The following DTNA variants were observed in gnomAD, a reference collection of about 807,000 sequenced individuals.
The protein encoded by DTNA is dystrophin-related protein 3.
Under a neutral mutation model 100.7 loss-of-function variants are expected in DTNA, and 43 were observed. The observed-to-expected ratio is 0.43, with a 90% CI of 0.33 to 0.55. The LOEUF (loss-of-function observed/expected upper bound fraction) is 0.55, where lower values mean the gene tolerates loss of function less well. Ranked by LOEUF, DTNA falls within the 20% of genes least tolerant of loss-of-function variation. DTNA has a pLI of 0.04. For missense variants in DTNA, 798 were observed against 953.9 expected (o/e 0.84, Z 2.15); for synonymous variants, 349 against 347.9 (o/e 1.00, Z -0.04).
chr18:34,585,560 CAT>C (rs2049044182), intron 1 of DTNA, among the ~76,000 whole-genome samples: 2 of 151,834 alleles, frequency 1.3e-5, no homozygotes, highest in South Asian at 2.1e-4. Flanking sequence ...TGTGTGTGCT[CAT>C]GTGTGTGGTA....
At chr18:34,703,269 A>G (rs1387150886) in intron 1 of DTNA, among the ~76,000 whole-genome samples, 1 of 152,226 alleles carries the variant, frequency 6.6e-6, no homozygotes, top group African/African-American at 2.4e-5. Context: ...TTCGTCCTTG[A>G]TGAATAATAT....
intron 17 of DTNA, among the ~76,000 whole-genome samples, chr18:34,875,023 C>T (rs116950839): frequency 6.6e-6 from 1 of 152,266 alleles, no homozygotes; most frequent in Non-Finnish European, 1.5e-5. Context: ...ATAGTTTTAG[C>T]TTTCAATATT....
intron 1 of DTNA, among the ~76,000 whole-genome samples, chr18:34,544,354 A>C (rs1384961271): frequency 1.3e-5 from 2 of 152,162 alleles, no homozygotes; most frequent in African/African-American, 4.8e-5. Context: ...CTCTTGCTAT[A>C]GCTGAAGCCT....
chr18:34,534,241 T>G (rs1032047083), intron 1 of DTNA, among the ~76,000 whole-genome samples: 1 of 152,074 alleles, frequency 6.6e-6, no homozygotes, highest in Non-Finnish European at 1.5e-5. Context: ...CCCAGCTGAT[T>G]GGGAGGCTGA....
chr18:34,641,249 T>G (rs1366044959), intron 1 of DTNA, among the ~76,000 whole-genome samples: 2 of 152,186 alleles, frequency 1.3e-5, no homozygotes, highest in East Asian at 3.8e-4. Context: ...AAAATAATTA[T>G]AACTATTAAT....
intron 4 of DTNA, among the ~76,000 whole-genome samples, chr18:34,805,347 CAG>C (rs1207837495): frequency 4.0e-5 from 6 of 151,894 alleles, no homozygotes; most frequent in Non-Finnish European, 8.8e-5. Context: ...TTTTTTAAGA[CAG>C]AGTCTCCCTC....
At chr18:34,793,638 G>T (rs1347473118) in intron 3 of DTNA, among the ~76,000 whole-genome samples, 3 of 152,118 alleles carry the variant, frequency 2.0e-5, no homozygotes, top group East Asian at 1.9e-4. Context: ...AGGGGGCAGG[G>T]TGTGCAATGG....
chr18:34,881,437 CTTTTTTTT>C (rs752828928), intron 20 of DTNA, among the ~76,000 whole-genome samples: 13 of 51,384 alleles, frequency 2.5e-4, no homozygotes, highest in East Asian at 1.1e-3. Flanking sequence ...AATTAAAATG[CTTTTTTTT>C]TTTTTTTTTT....
At chr18:34,650,270 A>C (rs1190078622) in intron 1 of DTNA, among the ~76,000 whole-genome samples, 2 of 152,074 alleles carry the variant, frequency 1.3e-5, no homozygotes, top group Non-Finnish European at 2.9e-5. Flanking sequence ...TTACTGCCAA[A>C]ACACTAAATA....
intron 15 of DTNA, 114 bp from the exon 16 acceptor site, chr18:34,858,170 TC>T: frequency 2.1e-6 from 2 of 951,138 alleles, no homozygotes; most frequent in Non-Finnish European, 3.3e-6. Flanking sequence ...TCGGTTCTGC[TC>T]CTAAACATAG....
At chr18:34,494,935 A>T (rs908002282) in intron 1 of DTNA, among the ~76,000 whole-genome samples, 30 of 152,214 alleles carry the variant, frequency 2.0e-4, no homozygotes, top group Non-Finnish European at 2.1e-4. Flanking sequence ...ACTTTAGGAA[A>T]AAAGTGTTCC....
In DTNA at chr18:34,755,888, ACAAGTACAG is replaced by A. The variant is rs2092734582; in HGVS notation, c.-1-80_-1-72del. 11 of 1,176,602 alleles carry A rather than the reference ACAAGTACAG, an allele frequency of 9.3e-6. No homozygotes were observed. In the South Asian group the frequency reaches 1.4e-4, roughly 15 times the overall value. 72.9% of individuals were successfully genotyped at this position (1,176,602 alleles called of 1,614,324 possible). A position where few individuals can be genotyped will look rare whatever the true frequency, so the allele number is the denominator to read the frequency against. On this transcript the variant is annotated intron_variant, in intron 1 of 22. Transcript: ENST00000444659. ...AATAGGTTTTCTATGTGTTTGTGTC[ACAAGTACAG>A]CAAGTACGTTTACAGAGAAATGGCT...
upstream of DTNA, among the ~76,000 whole-genome samples, chr18:34,706,913 A>G (rs766588117): frequency 1.3e-5 from 2 of 152,186 alleles, no homozygotes; most frequent in Non-Finnish European, 2.9e-5. Flanking sequence ...TGTTCAGTAG[A>G]TCACAATCTT....
chr18:34,688,140 C>G (rs1283701489), intron 1 of DTNA, among the ~76,000 whole-genome samples: 4 of 152,126 alleles, frequency 2.6e-5, no homozygotes, highest in Admixed American at 2.6e-4. Context: ...AGCCCATTTA[C>G]ATTTAAGGTT....
intron 1 of DTNA, among the ~76,000 whole-genome samples, chr18:34,655,841 T>G (rs1000907612): frequency 6.6e-6 from 1 of 152,218 alleles, no homozygotes; most frequent in Admixed American, 6.5e-5. Flanking sequence ...AACGTTGCTA[T>G]GGAATAGACA....
At chr18:34,559,775 A>G (rs1242536410) in intron 1 of DTNA, among the ~76,000 whole-genome samples, 1 of 152,200 alleles carries the variant, frequency 6.6e-6, no homozygotes, top group African/African-American at 2.4e-5. Flanking sequence ...ACAGTCTCAG[A>G]ACTAGACTTC....
intron 1 of DTNA, among the ~76,000 whole-genome samples, chr18:34,634,615 C>T (rs1205782272): frequency 6.6e-6 from 1 of 152,042 alleles, no homozygotes; most frequent in Non-Finnish European, 1.5e-5. Context: ...TCAGAAAAGG[C>T]AAGAGCATTT....
intron 1 of DTNA, among the ~76,000 whole-genome samples, chr18:34,744,229 A>G (rs2091203451): frequency 6.6e-6 from 1 of 152,194 alleles, no homozygotes; most frequent in Non-Finnish European, 1.5e-5. Flanking sequence ...GTTAAAGAGA[A>G]CTTTCTAGTT....
intron 1 of DTNA, among the ~76,000 whole-genome samples, chr18:34,553,929 C>G (rs1225357316): frequency 1.3e-5 from 2 of 150,654 alleles, no homozygotes; most frequent in Non-Finnish European, 3.0e-5. Flanking sequence ...TCATTGGTAG[C>G]TTGATGGGGA....
Sources: allele counts gnomAD v4.1 joint callset (sites outside exome capture counted in the v4.1 genomes callset), GRCh38; gene constraint gnomAD v4.1.1; transcripts MANE v1.5; gene names NCBI Gene and HGNC (gene_info 2026-07-23, HGNC 2026-07-21).